DSCAM: variants seen among roughly 807,000 people sequenced by gnomAD.
The protein encoded by DSCAM is cell adhesion molecule DSCAM.
In DSCAM, 47 loss-of-function variants were observed where a neutral mutation model predicts 217.7. The observed-to-expected ratio is 0.22, with a 90% confidence interval of 0.17 to 0.28. The LOEUF is 0.28. Among genes scored for constraint, DSCAM ranks in the 10% least tolerant of loss-of-function variants. The pLI is 1.00. For missense variants in DSCAM, 2,080 were observed against 2,618.3 expected (o/e 0.79, Z 4.49); for synonymous variants, 1,056 against 1,015.3 (o/e 1.04, Z -0.76).
chr21:40,388,647 C>G (rs2075108035), intron 3 of DSCAM, among the ~76,000 whole-genome samples: 1 of 151,986 alleles, frequency 6.6e-6, no homozygotes, highest in Admixed American at 6.6e-5. Flanking sequence ...TAAACCCCCC[C>G]TCCTCCACTG....
At chr21:40,214,735 C>CAAA (rs1209648217) in intron 11 of DSCAM, among the ~76,000 whole-genome samples, 24 of 67,888 alleles carry the variant, frequency 3.5e-4, no homozygotes, top group Non-Finnish European at 5.6e-4. Context: ...GCAACAACAG[C>CAAA]AAAAAAAAAA....
At chr21:40,495,635 C>T (rs2076112242) in intron 3 of DSCAM, among the ~76,000 whole-genome samples, 1 of 151,880 alleles carries the variant, frequency 6.6e-6, no homozygotes, top group African/African-American at 2.4e-5. Context: ...ATAACTATGC[C>T]CACTCTTGTC....
At chr21:40,497,788 G>A (rs2076131582) in intron 3 of DSCAM, among the ~76,000 whole-genome samples, 1 of 152,168 alleles carries the variant, frequency 6.6e-6, no homozygotes, top group Non-Finnish European at 1.5e-5. Context: ...AGTTAATTGG[G>A]ATTGCTTTTC....
intron 11 of DSCAM, among the ~76,000 whole-genome samples, chr21:40,232,520 A>G (rs2091391104): frequency 6.6e-6 from 1 of 152,158 alleles, no homozygotes; most frequent in African/African-American, 2.4e-5. Flanking sequence ...GTCCACTAGG[A>G]AAATATCCCT....
chr21:40,350,061 T>TATTATG (rs769574485), intron 5 of DSCAM, among the ~76,000 whole-genome samples: 2 of 152,148 alleles, frequency 1.3e-5, no homozygotes, highest in Non-Finnish European at 2.9e-5. Flanking sequence ...TTATTATTAT[T>TATTATG]ATTTATTTCA....
At chr21:40,167,538 A>T (rs548133769) in intron 15 of DSCAM, among the ~76,000 whole-genome samples, 2 of 152,312 alleles carry the variant, frequency 1.3e-5, no homozygotes, top group South Asian at 4.1e-4. Context: ...CATGTCTTTG[A>T]CAACCTCGTG....
Position 40,046,586 on chromosome 21 carries a change from T to C in DSCAM, c.5186-2311A>G, listed in dbSNP as rs77133941. On this transcript the variant is annotated intron_variant, in intron 30 of 32. Transcript: ENST00000400454. ...GAGGCTAAATGTCTTCCAGGCACTA[T>C]CGACTTGATAAGTGGAGCTTAAATA... Among the ~76,000 whole-genome samples the C allele has an allele frequency of 7.0e-3, 1,059 of 152,314 alleles. 11 individuals are homozygous for C. Among genetic ancestry groups the C allele is most frequent in the African/African-American group, 0.025 (1,038 of 41,560 alleles).
chr21:40,031,532 T>G (rs527728623), intron 32 of DSCAM, among the ~76,000 whole-genome samples: 38 of 152,320 alleles, frequency 2.5e-4, no homozygotes, highest in African/African-American at 8.9e-4. Context: ...TATCAAAGAC[T>G]GCAGGCAATG....
At chr21:40,015,405 T>C (rs577605016) in intron 32 of DSCAM, among the ~76,000 whole-genome samples, 2 of 142,142 alleles carry the variant, frequency 1.4e-5, no homozygotes, top group South Asian at 4.6e-4. Flanking sequence ...ACCGGCAAAA[T>C]ATCTCTTGAC....
intron 32 of DSCAM, among the ~76,000 whole-genome samples, chr21:40,026,583 T>G (rs991033547): frequency 2.0e-5 from 3 of 147,330 alleles, no homozygotes; most frequent in African/African-American, 7.6e-5. Context: ...ATATTTAGGA[T>G]AGTTAGCTCT....
At chr21:40,720,385 A>G (rs2090888682) in intron 1 of DSCAM, among the ~76,000 whole-genome samples, 1 of 152,238 alleles carries the variant, frequency 6.6e-6, no homozygotes, top group South Asian at 2.1e-4. Context: ...TCAGACAATC[A>G]CAAATCAGTT....
chr21:40,599,715 T>C (rs2146259217), intron 3 of DSCAM, among the ~76,000 whole-genome samples: 1 of 152,008 alleles, frequency 6.6e-6, no homozygotes, highest in South Asian at 2.1e-4. Context: ...GATTGCTAGA[T>C]AGACTAGTAA....
intron 16 of DSCAM, among the ~76,000 whole-genome samples, chr21:40,149,222 A>G (rs1207078347): frequency 6.6e-6 from 1 of 151,864 alleles, no homozygotes; most frequent in Non-Finnish European, 1.5e-5. Flanking sequence ...TCATTCCATC[A>G]CTATCCCAAC....
chr21:40,722,879 A>T (rs1216361009), intron 1 of DSCAM, among the ~76,000 whole-genome samples: 1 of 152,168 alleles, frequency 6.6e-6, no homozygotes, highest in Non-Finnish European at 1.5e-5. Context: ...GATTATATTA[A>T]TATCAAAGTA....
intron 3 of DSCAM, among the ~76,000 whole-genome samples, chr21:40,571,468 A>G (rs955459121): frequency 6.6e-6 from 1 of 152,224 alleles, no homozygotes. Context: ...AGCTAAGTAA[A>G]GACATTTTCA....
At chr21:40,032,823 A>C (rs1262334465) in intron 32 of DSCAM, among the ~76,000 whole-genome samples, 1 of 152,182 alleles carries the variant, frequency 6.6e-6, no homozygotes, top group Non-Finnish European at 1.5e-5. Flanking sequence ...CCAGGCATAG[A>C]TCTCAAACCT....
chr21:40,803,781 A>G (rs1156811685), intron 1 of DSCAM, among the ~76,000 whole-genome samples: 1 of 152,118 alleles, frequency 6.6e-6, no homozygotes, highest in East Asian at 1.9e-4. Context: ...ATGGGGAAAA[A>G]AAAAACACCT....
At chr21:40,237,667 A>G (rs975173411) in intron 11 of DSCAM, among the ~76,000 whole-genome samples, 1 of 152,236 alleles carries the variant, frequency 6.6e-6, no homozygotes, top group African/African-American at 2.4e-5. Context: ...CAGTGCTGCA[A>G]TAAACATACA....
intron 20 of DSCAM, among the ~76,000 whole-genome samples, chr21:40,109,855 C>T (rs2089872304): frequency 6.6e-6 from 1 of 152,194 alleles, no homozygotes; most frequent in African/African-American, 2.4e-5. Context: ...TGCAAGGTGG[C>T]AGTGAAGCTG....
Sources: gnomAD v4.1 joint callset for allele counts (sites outside exome capture counted in the v4.1 genomes callset) on GRCh38, gnomAD v4.1.1 for gene constraint, MANE v1.5 for transcripts, NCBI Gene and HGNC (gene_info 2026-07-23, HGNC 2026-07-21) for gene names.